Variants in GRM5 observed in about 807,000 individuals in gnomAD.
GRM5 encodes the protein glutamate metabotropic receptor 5, also known as metabotropic glutamate receptor 5.
Under a neutral mutation model 83.1 loss-of-function variants are expected in GRM5, and 19 were observed. The observed-to-expected ratio is 0.23, with a 90% CI of 0.16 to 0.34. GRM5 has a LOEUF of 0.34. GRM5 is among the 10% of genes least tolerant of loss of function. The pLI is 1.00. For missense variants in GRM5, 1,160 were observed against 1,588.3 expected, an observed-to-expected ratio of 0.73 and a Z score of 4.58; for synonymous variants, 675 against 633.6, an observed-to-expected ratio of 1.07 and a Z score of -0.98.
intron 8 of GRM5, among the ~76,000 whole-genome samples, chr11:88,548,339 C>T (rs965358999): frequency 5.3e-5 from 8 of 152,100 alleles, no homozygotes; most frequent in African/African-American, 1.9e-4. Flanking sequence ...AATAAAACTG[C>T]TTAGTTTACC....
At chr11:88,773,394 T>C (rs1204583521) in intron 3 of GRM5, among the ~76,000 whole-genome samples, 1 of 152,248 alleles carries the variant, frequency 6.6e-6, no homozygotes, top group Non-Finnish European at 1.5e-5. Context: ...TCTCCTATTC[T>C]GTAGGTTGCC....
intron 4 of GRM5, among the ~76,000 whole-genome samples, chr11:88,624,288 A>T (rs911638968): frequency 2.0e-5 from 3 of 152,200 alleles, no homozygotes; most frequent in African/African-American, 4.8e-5. Context: ...CACAAGGGAG[A>T]ATACCTTCCC....
At chr11:88,581,999 C>T (rs1489561014) in intron 7 of GRM5, among the ~76,000 whole-genome samples, 1 of 152,148 alleles carries the variant, frequency 6.6e-6, no homozygotes, top group African/African-American at 2.4e-5. Flanking sequence ...TTAATTTCCT[C>T]TCATCAACGT....
At chr11:88,892,863 A>C (rs1945169035) in intron 2 of GRM5, among the ~76,000 whole-genome samples, 1 of 152,026 alleles carries the variant, frequency 6.6e-6, no homozygotes, top group Non-Finnish European at 1.5e-5. Flanking sequence ...CAGGTAATGA[A>C]AGTGAGTAGG....
intron 3 of GRM5, among the ~76,000 whole-genome samples, chr11:88,733,652 A>T (rs1393992957): frequency 6.6e-6 from 1 of 152,076 alleles, no homozygotes; most frequent in East Asian, 1.9e-4. Context: ...AGCTGAAAAT[A>T]GCAGTCTTTG....
At chr11:88,798,902 G>A (rs1243189352) in intron 3 of GRM5, among the ~76,000 whole-genome samples, 1 of 150,682 alleles carries the variant, frequency 6.6e-6, no homozygotes, top group African/African-American at 2.4e-5. Flanking sequence ...CTCAAAAGGA[G>A]TAAAGCATGA....
intron 2 of GRM5, among the ~76,000 whole-genome samples, chr11:89,013,598 C>A (rs996392524): frequency 1.3e-5 from 2 of 152,154 alleles, no homozygotes; most frequent in Non-Finnish European, 2.9e-5. Context: ...TGAGGGCAGA[C>A]TTGCCCCATA....
chr11:88,682,046 TGTA>T (rs1424150027), intron 3 of GRM5, among the ~76,000 whole-genome samples: 1 of 152,186 alleles, frequency 6.6e-6, no homozygotes, highest in East Asian at 1.9e-4. Context: ...TACCAATACT[TGTA>T]GTACAATTTA....
intron 2 of GRM5, among the ~76,000 whole-genome samples, chr11:88,960,496 C>T (rs1481401441): frequency 1.3e-5 from 2 of 152,168 alleles, no homozygotes; most frequent in Non-Finnish European, 2.9e-5. Flanking sequence ...ACATCCATTG[C>T]TAACTAAAGT....
At chr11:88,766,319 C>G (rs546923147) in intron 3 of GRM5, among the ~76,000 whole-genome samples, 1 of 151,866 alleles carries the variant, frequency 6.6e-6, no homozygotes, top group Non-Finnish European at 1.5e-5. Context: ...CTACGGGGCT[C>G]CCATAACCAA....
At position 88,729,332 on chromosome 11, in the gene GRM5, C is replaced by T. The variant is rs574949977; in HGVS notation, c.912-75929G>A. On this transcript the variant is annotated intron_variant, in intron 3 of 9. Coordinates refer to ENST00000305447, the MANE Select transcript of GRM5 (RefSeq NM_001143831.3). ...TCCAACTTAGAAGGGATGTGAAGGACCTCTTCAAGGAGAACTACAAACCAC... is the reference window on the plus strand; with the variant it reads ...TCCAACTTAGAAGGGATGTGAAGGATCTCTTCAAGGAGAACTACAAACCAC... Among the ~76,000 whole-genome samples the T allele has an allele frequency of 4.0e-5, 6 of 151,714 alleles. No homozygotes were observed. The South Asian group carries it at 1.3e-3, about 32-fold the overall frequency.
chr11:88,636,026 A>G (rs752700472), intron 4 of GRM5, among the ~76,000 whole-genome samples: 8 of 152,196 alleles, frequency 5.3e-5, no homozygotes, highest in Admixed American at 6.5e-5. Flanking sequence ...TAATAAACTC[A>G]CTAGAACTTA....
At chr11:88,554,228 C>G (rs906676789) in intron 8 of GRM5, among the ~76,000 whole-genome samples, 1 of 151,522 alleles carries the variant, frequency 6.6e-6, no homozygotes, top group Non-Finnish European at 1.5e-5. Context: ...TATACCCTTC[C>G]TCCACATTCA....
intron 2 of GRM5, among the ~76,000 whole-genome samples, chr11:88,929,499 A>G (rs970628033): frequency 6.6e-6 from 1 of 152,158 alleles, no homozygotes; most frequent in African/African-American, 2.4e-5. Context: ...GGCAATTCTA[A>G]TTTATCATGA....
At position 88,590,612 on chromosome 11, in the gene GRM5, T is replaced by C. The variant is rs200473913; in HGVS notation, c.1679A>G (p.Asp560Gly). 2 of 1,611,912 alleles carry C rather than the reference T, an allele frequency of 1.2e-6. No individual in the cohort carries two copies. Among genetic ancestry groups the C allele is most frequent in the South Asian group, 2.2e-5 (2 of 91,016 alleles). Residue 560 changes from aspartate to glycine, a missense_variant, in exon 7 of 10, where the codon GAT (aspartate) becomes GGT (glycine). Asp to Gly is a moderately conservative substitution (Grantham distance 94). Coordinates refer to ENST00000305447, the MANE Select transcript of GRM5 (RefSeq NM_001143831.3). ...TTGTGATAGATTACCTGTGAGATCATCAGTGGGCCAAGACCCCAGTTGGCA... is the reference window on the plus strand; with the variant it reads ...TTGTGATAGATTACCTGTGAGATCACCAGTGGGCCAAGACCCCAGTTGGCA... Reference protein sequence around the residue: ...KACQLGSWPTDDLTGCDLIPV... With the variant: ...KACQLGSWPTGDLTGCDLIPV...
intron 3 of GRM5, among the ~76,000 whole-genome samples, chr11:88,683,454 G>A (rs1940545941): frequency 6.6e-6 from 1 of 152,146 alleles, no homozygotes; most frequent in Non-Finnish European, 1.5e-5. Context: ...TTTATAAATT[G>A]ATTTTCCTTC....
chr11:88,775,182 T>G (rs1217203744), intron 3 of GRM5, among the ~76,000 whole-genome samples: 1 of 152,208 alleles, frequency 6.6e-6, no homozygotes, highest in Admixed American at 6.5e-5. Flanking sequence ...CGTGTATGCG[T>G]CCAGGAATTT....
intron 2 of GRM5, among the ~76,000 whole-genome samples, chr11:88,957,435 C>T (rs546719033): frequency 1.4e-4 from 21 of 152,290 alleles, no homozygotes; most frequent in Middle Eastern, 3.4e-3. Context: ...AGAAAACAAG[C>T]TGTAAGTTTA....
At chr11:89,035,954 G>A (rs1394642723) in intron 2 of GRM5, among the ~76,000 whole-genome samples, 1 of 151,898 alleles carries the variant, frequency 6.6e-6, no homozygotes, top group Non-Finnish European at 1.5e-5. Context: ...AGAAGTAAAG[G>A]CACATAAGCA....
Sources: gnomAD v4.1 joint callset for allele counts (sites outside exome capture counted in the v4.1 genomes callset) on GRCh38, gnomAD v4.1.1 for gene constraint, MANE v1.5 for transcripts, NCBI Gene and HGNC (gene_info 2026-07-23, HGNC 2026-07-21) for gene names.